The following COL23A1 variants were observed in gnomAD, a reference collection of about 807,000 sequenced individuals.
COL23A1 encodes the protein collagen type XXIII alpha 1 chain.
A neutral mutation model predicts 99.3 loss-of-function variants in COL23A1; 97 were observed. That is an observed-to-expected ratio of 0.98 (90% CI 0.83 to 1.16). The LOEUF (loss-of-function observed/expected upper bound fraction) is 1.16, where lower values mean the gene tolerates loss of function less well. COL23A1 is among the 50% of genes most tolerant of loss of function. COL23A1 has a pLI of 0.00. For synonymous variants in COL23A1, 320 were observed against 308.2 expected (o/e 1.04, Z -0.40); for missense variants, 762 against 757.4 (o/e 1.01, Z -0.07).
chr5:178,302,829 A>G (rs1361897965), intron 3 of COL23A1, among the ~76,000 whole-genome samples: 1 of 152,216 alleles, frequency 6.6e-6, no homozygotes, highest in Non-Finnish European at 1.5e-5. Context: ...CAAGCTGTGC[A>G]TAGGTCACTT....
intron 2 of COL23A1, among the ~76,000 whole-genome samples, chr5:178,467,848 A>G (rs1488438135): frequency 6.6e-6 from 1 of 152,260 alleles, no homozygotes; most frequent in African/African-American, 2.4e-5. Context: ...GGAAGTTATG[A>G]AATTATAAGC....
At chr5:178,457,602 G>A (rs73805812) in intron 2 of COL23A1, among the ~76,000 whole-genome samples, 5 of 152,080 alleles carry the variant, frequency 3.3e-5, no homozygotes, top group African/African-American at 1.2e-4. Flanking sequence ...GGAATATTAT[G>A]CCCCCATTAA....
At chr5:178,332,641 C>G (rs1466112407) in intron 2 of COL23A1, among the ~76,000 whole-genome samples, 1 of 152,122 alleles carries the variant, frequency 6.6e-6, no homozygotes, top group African/African-American at 2.4e-5. Context: ...CAGACTCGTT[C>G]AGCTAAAATC....
chr5:178,285,907 T>C (rs1327066180), intron 5 of COL23A1, among the ~76,000 whole-genome samples: 3 of 152,228 alleles, frequency 2.0e-5, no homozygotes, highest in African/African-American at 7.2e-5. Context: ...CGAAAGGTCC[T>C]CCCCTTCCTC....
intron 1 of COL23A1, among the ~76,000 whole-genome samples, chr5:178,588,675 C>T (rs1008280902): frequency 5.9e-5 from 9 of 152,116 alleles, no homozygotes; most frequent in Non-Finnish European, 1.3e-4. Flanking sequence ...GAGATGTGAT[C>T]CTAGCTTAAA....
chr5:178,317,686 C>T (rs2973699), intron 2 of COL23A1, among the ~76,000 whole-genome samples: 96,637 of 151,992 alleles, frequency 0.64, 31,632 homozygotes, highest in Non-Finnish European at 0.69. Context: ...CTGAGAGTGG[C>T]GCCCAGGTTA....
chr5:178,357,868 TGTGTGTGCATGTGTAC>T lies in COL23A1; in HGVS notation c.362-50965_362-50950del, dbSNP rs1177352526. On this transcript the variant is annotated intron_variant, in intron 2 of 28. Coordinates refer to ENST00000390654, the MANE Select transcript of COL23A1 (RefSeq NM_173465.4). The stretch of plus-strand genomic sequence containing the variant: ...TGTCTAATGTGTATGTGTATGTATA[TGTGTGTGCATGTGTAC>T]GTGTGTGTGTATGTGTGTCTAATGT... 6.2e-4 allele frequency among the ~76,000 whole-genome samples: 94 copies of T among 150,958 alleles called. 1 individual carries two copies. Among genetic ancestry groups the T allele is most frequent in the Admixed American group, 1.6e-3 (24 of 15,144 alleles).
intron 2 of COL23A1, chr5:178,352,047 C>T (rs547177863): frequency 6.6e-6 from 1 of 152,256 alleles, no homozygotes; most frequent in Non-Finnish European, 1.5e-5. Flanking sequence ...TTGAAACCAC[C>T]CGGTCTGTGG....
At chr5:178,347,504 C>T (rs2973805) in intron 2 of COL23A1, among the ~76,000 whole-genome samples, 87,754 of 150,492 alleles carry the variant, frequency 0.58, 25,984 homozygotes, top group East Asian at 0.8. Flanking sequence ...ACAGTGGTGA[C>T]GGCTGCACAG....
intron 2 of COL23A1, among the ~76,000 whole-genome samples, chr5:178,322,915 C>T (rs1322812111): frequency 2.0e-5 from 3 of 152,210 alleles, no homozygotes; most frequent in Non-Finnish European, 2.9e-5. Context: ...CCAGTGGGTC[C>T]ACTCGAGGAC....
At chr5:178,497,812 A>C (rs1758274314) in intron 2 of COL23A1, among the ~76,000 whole-genome samples, 1 of 152,196 alleles carries the variant, frequency 6.6e-6, no homozygotes. Context: ...ATTACCAAGA[A>C]TGCAATTTTA....
At chr5:178,513,270 C>A (rs1383117107) in intron 2 of COL23A1, among the ~76,000 whole-genome samples, 5 of 152,142 alleles carry the variant, frequency 3.3e-5, no homozygotes, top group Non-Finnish European at 7.3e-5. Context: ...CGAGTGCTGC[C>A]CCTTCTTAAC....
chr5:178,417,630 G>A (rs1317261380), intron 2 of COL23A1, among the ~76,000 whole-genome samples: 4 of 152,084 alleles, frequency 2.6e-5, no homozygotes, highest in Non-Finnish European at 4.4e-5. Flanking sequence ...ACGATAAAGC[G>A]ACATTTGAAA....
intron 3 of COL23A1, among the ~76,000 whole-genome samples, chr5:178,300,770 G>A (rs1185628990): frequency 4.0e-5 from 6 of 151,672 alleles, no homozygotes; most frequent in Non-Finnish European, 7.4e-5. Context: ...CACCATGTTG[G>A]CCAGGCTGGT....
At chr5:178,417,524 G>T (rs886676624) in intron 2 of COL23A1, among the ~76,000 whole-genome samples, 1 of 152,118 alleles carries the variant, frequency 6.6e-6, no homozygotes, top group Non-Finnish European at 1.5e-5. Context: ...GAAAACCACA[G>T]CCCTGCCTCC....
chr5:178,548,224 T>A, intron 2 of COL23A1, among the ~76,000 whole-genome samples: 1 of 151,560 alleles, frequency 6.6e-6, no homozygotes, highest in East Asian at 2.0e-4. Flanking sequence ...TCAGAATCAC[T>A]GTGACAAATG....
At position 178,478,495 on chromosome 5, in the gene COL23A1, A is replaced by G. The variant is rs529409448; in HGVS notation, c.361+82187T>C. On this transcript the variant is annotated intron_variant, in intron 2 of 28. Coordinates refer to ENST00000390654, the MANE Select transcript of COL23A1 (RefSeq NM_173465.4). ...TATTTTCCTAGCTCTGTTCCCTTTTACTTGGAAGTTGTGCTTTCCATCCAG... is the reference window on the plus strand; with the variant it reads ...TATTTTCCTAGCTCTGTTCCCTTTTGCTTGGAAGTTGTGCTTTCCATCCAG... Among the ~76,000 whole-genome samples, 353 of 152,070 alleles carry G rather than the reference A, an allele frequency of 2.3e-3. 4 individuals carry two copies. Among genetic ancestry groups the G allele is most frequent in the African/African-American group, 7.9e-3 (329 of 41,482 alleles).
At chr5:178,490,650 A>G (rs1472788204) in intron 2 of COL23A1, among the ~76,000 whole-genome samples, 1 of 152,128 alleles carries the variant, frequency 6.6e-6, no homozygotes, top group Non-Finnish European at 1.5e-5. Context: ...GGTGGTGTGC[A>G]CCTGAAGTCC....
At chr5:178,328,446 C>T (rs992715415) in intron 2 of COL23A1, among the ~76,000 whole-genome samples, 1 of 152,198 alleles carries the variant, frequency 6.6e-6, no homozygotes, top group Non-Finnish European at 1.5e-5. Context: ...TAAAGAGAGA[C>T]CCAGGTACAA....
Sources: allele counts gnomAD v4.1 joint callset (sites outside exome capture counted in the v4.1 genomes callset), GRCh38; gene constraint gnomAD v4.1.1; transcripts MANE v1.5; gene names NCBI Gene and HGNC (gene_info 2026-07-23, HGNC 2026-07-21).